The following JCAD variants were observed in gnomAD, a reference collection of about 807,000 sequenced individuals.
JCAD encodes junctional cadherin 5 associated.
A neutral mutation model predicts 98.0 loss-of-function variants in JCAD; 40 were observed. The observed-to-expected ratio is 0.41, with a 90% CI of 0.32 to 0.53. JCAD has a LOEUF of 0.53. Among genes scored for constraint, JCAD ranks in the 20% least tolerant of loss-of-function variants. JCAD has a pLI of 0.31. For missense variants in JCAD, 1,705 were observed against 1,738.1 expected (o/e 0.98, Z 0.34); for synonymous variants, 691 against 682.3 (o/e 1.01, Z -0.20).
At chr10:30,080,662 A>G (rs566492744) in intron 1 of JCAD, among the ~76,000 whole-genome samples, 11 of 152,062 alleles carry the variant, frequency 7.2e-5, no homozygotes, top group African/African-American at 2.7e-4. Context: ...ACCCCCAGTC[A>G]TTAGGACAGC....
chr10:30,090,843 T>TG (rs1413790047), intron 1 of JCAD, among the ~76,000 whole-genome samples: 2 of 152,064 alleles, frequency 1.3e-5, no homozygotes, highest in Non-Finnish European at 2.9e-5. Flanking sequence ...ATAAATAAGA[T>TG]GGGGGGCAAG....
intron 1 of JCAD, among the ~76,000 whole-genome samples, chr10:30,092,064 A>AAATATATATATAT (rs1554802503): frequency 5.3e-5 from 1 of 19,032 alleles, no homozygotes; most frequent in Non-Finnish European, 8.3e-5. Context: ...AAAAAAAAAA[A>AAATATATATATAT]ATATATATAT....
Position 30,059,402 on chromosome 10 carries a change from T to C in JCAD, c.-60+80A>G. Reference sequence around the variant, plus strand: ...AGAAGTTGGGGGGAGTGCGGGAGGCTGCGGGTGAGGCCCGCGAAGCGCCGT... The same window carrying C: ...AGAAGTTGGGGGGAGTGCGGGAGGCCGCGGGTGAGGCCCGCGAAGCGCCGT... On this transcript the variant is annotated intron_variant, in intron 1 of 3. Transcript: ENST00000375377. The surrounding 1 kb of genome is among the most constrained non-coding windows in gnomAD (Gnocchi z 5.0). The C allele has an allele frequency of 6.6e-6, 1 of 151,502 alleles. No individual in the cohort carries two copies. The highest frequency in any genetic ancestry group is 1.9e-4 in the East Asian group (1 of 5,144). The allele number at this position is 151,502 out of a possible 1,614,324, so 9.4% of individuals were successfully genotyped here.
At chr10:30,069,038 A>G (rs1286127054) in intron 2 of JCAD, among the ~76,000 whole-genome samples, 3 of 152,244 alleles carry the variant, frequency 2.0e-5, no homozygotes, top group African/African-American at 4.8e-5. Context: ...TTTGCTTTCA[A>G]TAGCATTGGC....
rs1351698304 is a variant in JCAD at position 30,028,102 on chromosome 10, T to C, written c.2046A>G (p.Pro682=). 10 of 1,614,280 alleles carry C rather than the reference T, an allele frequency of 6.2e-6. 1 individual carries two copies. In the South Asian group the frequency reaches 1.1e-4, roughly 18 times the overall value. The change falls in exon 3 of 4, where the codon CCA becomes CCG. Residue 682 remains proline (P), a synonymous_variant. Transcript: ENST00000375377. ...HRELKHSGSW[P]GHRYRDQQTQ... is the part of the protein sequence containing the mutation. ...TTTGCTGATCTCTGTACCGGTGCCC[T>C]GGCCAAGAGCCAGAATGCTTGAGTT...
chr10:30,081,417 A>C (rs1169076731), intron 1 of JCAD, among the ~76,000 whole-genome samples: 1 of 152,092 alleles, frequency 6.6e-6, no homozygotes, highest in African/African-American at 2.4e-5. Flanking sequence ...GTAGAGCTGA[A>C]TCTGAGCCCA....
chr10:30,067,327 G>GT (rs371535356), intron 2 of JCAD, among the ~76,000 whole-genome samples: 2,658 of 147,896 alleles, frequency 0.018, 49 homozygotes, highest in Middle Eastern at 0.062. Flanking sequence ...CCTTTTTTCT[G>GT]TTTTTTTTTT....
At chr10:30,112,677 G>A (rs1442046223) in intron 1 of JCAD, among the ~76,000 whole-genome samples, 4 of 151,916 alleles carry the variant, frequency 2.6e-5, no homozygotes, top group Non-Finnish European at 5.9e-5. Flanking sequence ...ATCGAGACCA[G>A]CCTGGCCAAC....
At chr10:30,039,639 C>G (rs556720152) in intron 2 of JCAD, among the ~76,000 whole-genome samples, 1 of 152,178 alleles carries the variant, frequency 6.6e-6, no homozygotes, top group South Asian at 2.1e-4. Context: ...CACCCAAAGA[C>G]GGCTGCCCAG....
intron 1 of JCAD, among the ~76,000 whole-genome samples, chr10:30,076,886 G>A (rs1057224374): frequency 2.0e-5 from 3 of 152,074 alleles, no homozygotes; most frequent in Non-Finnish European, 2.9e-5. Flanking sequence ...TAGGAGGGCC[G>A]AATCGCTCAG....
At chr10:30,024,688 AT>A (rs35394945) in intron 3 of JCAD, among the ~76,000 whole-genome samples, 9,293 of 100,848 alleles carry the variant, frequency 0.092, 293 homozygotes, top group African/African-American at 0.24. Context: ...GCCCATGTAC[AT>A]TTTTTTTTTT....
intron 1 of JCAD, among the ~76,000 whole-genome samples, chr10:30,114,594 A>C (rs1283704956): frequency 4.6e-5 from 7 of 151,736 alleles, no homozygotes; most frequent in African/African-American, 7.3e-5. Context: ...AAAAAAAAAA[A>C]AAAAAACCAG....
intron 1 of JCAD, among the ~76,000 whole-genome samples, chr10:30,048,392 T>C (rs547560995): frequency 1.3e-5 from 2 of 152,286 alleles, no homozygotes; most frequent in East Asian, 1.9e-4. Flanking sequence ...ACAGTCATGA[T>C]ACAATTCAGC....
chr10:30,017,763 G>T lies in JCAD; in HGVS notation c.*120C>A. Reference sequence around the variant, plus strand: ...TGGCAGTGGTAAAGAATGTTATCAGGATGCTAAAAACTCAGCAGCTTCCAG... The same window carrying T: ...TGGCAGTGGTAAAGAATGTTATCAGTATGCTAAAAACTCAGCAGCTTCCAG... On this transcript the variant is annotated 3_prime_UTR_variant, in exon 4 of 4. Transcript: ENST00000375377. 1 of 860,516 alleles carries T rather than the reference G, an allele frequency of 1.2e-6. No individual in the cohort carries two copies. The allele number at this position is 860,516 out of a possible 1,614,324, so 53.3% of individuals were successfully genotyped here. A position where few individuals can be genotyped will look rare whatever the true frequency, so the allele number is the denominator to read the frequency against.
At chr10:30,073,511 G>T (rs556822391) in intron 1 of JCAD, among the ~76,000 whole-genome samples, 2 of 152,292 alleles carry the variant, frequency 1.3e-5, no homozygotes, top group African/African-American at 4.8e-5. Context: ...GAGCTCATTT[G>T]CTGAGAACAT....
intron 1 of JCAD, among the ~76,000 whole-genome samples, chr10:30,097,956 C>G (rs1838403238): frequency 6.6e-6 from 1 of 152,026 alleles, no homozygotes; most frequent in Non-Finnish European, 1.5e-5. Context: ...CACAGAGGCT[C>G]CAGGAAGGGA....
intron 1 of JCAD, among the ~76,000 whole-genome samples, chr10:30,106,906 C>A (rs1838594461): frequency 6.6e-6 from 1 of 152,176 alleles, no homozygotes; most frequent in Non-Finnish European, 1.5e-5. Context: ...AGGCTGCCAG[C>A]TCAAATGTAG....
At chr10:30,079,716 C>T (rs916805986) in intron 1 of JCAD, among the ~76,000 whole-genome samples, 3 of 152,170 alleles carry the variant, frequency 2.0e-5, no homozygotes, top group African/African-American at 7.2e-5. Flanking sequence ...TTCTTGGGGT[C>T]AGAGACTGTG....
At chr10:30,068,978 A>T (rs1023242418) in intron 2 of JCAD, among the ~76,000 whole-genome samples, 4 of 152,166 alleles carry the variant, frequency 2.6e-5, no homozygotes, top group African/African-American at 9.7e-5. Context: ...CAGGCTTTGC[A>T]TGGCCTGAGG....
Sources: allele counts gnomAD v4.1 joint callset (sites outside exome capture counted in the v4.1 genomes callset), GRCh38; gene constraint gnomAD v4.1.1; non-coding constraint Gnocchi (gnomAD v3.1); transcripts MANE v1.5; gene names NCBI Gene and HGNC (gene_info 2026-07-23, HGNC 2026-07-21).